Variants in FAM13A observed in about 807,000 individuals in gnomAD.
The protein encoded by FAM13A is family with sequence similarity 13 member A.
Under a neutral mutation model 129.6 loss-of-function variants are expected in FAM13A, and 76 were observed. The ratio of observed to expected loss-of-function variants is 0.59; its 90% CI spans 0.49 to 0.71. The LOEUF (loss-of-function observed/expected upper bound fraction) is 0.71. Ranked by LOEUF, FAM13A falls within the 30% of genes least tolerant of loss-of-function variation. The probability of loss-of-function intolerance (pLI) is 0.00; values close to 1 mark genes in which losing one functional copy is unlikely to be tolerated. For synonymous variants in FAM13A, 443 were observed against 449.9 expected, an observed-to-expected ratio of 0.98 and a Z score of 0.20; for missense variants, 1,108 against 1,249.3, an observed-to-expected ratio of 0.89 and a Z score of 1.70.
chr4:88,925,675 C>G (rs1462898542), intron 5 of FAM13A, among the ~76,000 whole-genome samples: 1 of 149,754 alleles, frequency 6.7e-6, no homozygotes, highest in African/African-American at 2.5e-5. Flanking sequence ...CACATGTACC[C>G]TAAAACTTAA....
At chr4:88,946,601 A>T (rs1398535911) in intron 4 of FAM13A, among the ~76,000 whole-genome samples, 1 of 152,090 alleles carries the variant, frequency 6.6e-6, no homozygotes, top group Non-Finnish European at 1.5e-5. Flanking sequence ...CTTGCTGCAT[A>T]TAGATAAATA....
intron 6 of FAM13A, among the ~76,000 whole-genome samples, chr4:88,892,938 G>A (rs1434195581): frequency 6.6e-6 from 1 of 151,950 alleles, no homozygotes; most frequent in East Asian, 1.9e-4. Flanking sequence ...TATTCAATAT[G>A]AAAAGAAAAC....
intron 6 of FAM13A, among the ~76,000 whole-genome samples, chr4:88,854,067 C>G (rs542542831): frequency 1.3e-5 from 2 of 152,326 alleles, no homozygotes; most frequent in South Asian, 2.1e-4. Context: ...AGCTTGCAGA[C>G]AGCCTATTGT....
intron 21 of FAM13A, among the ~76,000 whole-genome samples, chr4:88,733,186 C>T (rs1365761401): frequency 1.3e-5 from 2 of 152,194 alleles, no homozygotes; most frequent in Non-Finnish European, 2.9e-5. Flanking sequence ...CGCTGGCGGG[C>T]AAAGTACAAG....
intron 7 of FAM13A, among the ~76,000 whole-genome samples, chr4:88,825,882 C>T (rs1175977806): frequency 9.9e-5 from 15 of 152,052 alleles, no homozygotes. Flanking sequence ...TTTTTCCAGT[C>T]TCCATCATTT....
intron 1 of FAM13A, among the ~76,000 whole-genome samples, chr4:89,031,432 T>C (rs1336905868): frequency 6.6e-6 from 1 of 152,198 alleles, no homozygotes; most frequent in Non-Finnish European, 1.5e-5. Context: ...TTATTAGCTA[T>C]AACCTTGCAC....
At chr4:88,798,174 G>A (rs904266850) in intron 8 of FAM13A, among the ~76,000 whole-genome samples, 1 of 152,178 alleles carries the variant, frequency 6.6e-6, no homozygotes, top group African/African-American at 2.4e-5. Context: ...GCCTACTTAG[G>A]TGGACTTGCT....
chr4:88,902,442 G>A (rs1261771661), intron 6 of FAM13A, among the ~76,000 whole-genome samples: 1 of 151,940 alleles, frequency 6.6e-6, no homozygotes, highest in African/African-American at 2.4e-5. Context: ...GGGATGCAAG[G>A]TTGGTTCAAC....
chr4:89,002,516 C>G (rs182681383), intron 3 of FAM13A, among the ~76,000 whole-genome samples: 1 of 152,184 alleles, frequency 6.6e-6, no homozygotes, highest in East Asian at 1.9e-4. Flanking sequence ...CCCACCTCCC[C>G]CAAGCCCTGC....
chr4:89,053,232 G>A (rs1173510100), intron 1 of FAM13A, among the ~76,000 whole-genome samples: 1 of 152,078 alleles, frequency 6.6e-6, no homozygotes, highest in Non-Finnish European at 1.5e-5. Context: ...ATTTCCATCT[G>A]TGACCTCATC....
intron 4 of FAM13A, among the ~76,000 whole-genome samples, chr4:88,940,344 G>C (rs1044928662): frequency 7.3e-6 from 1 of 136,702 alleles, no homozygotes; most frequent in African/African-American, 2.5e-5. Context: ...GATGGTGGCA[G>C]AAAACTTAGG....
At position 88,727,894 on chromosome 4, in the gene FAM13A, C is replaced by G. The variant is rs1052753043; in HGVS notation, c.*639G>C. On this transcript the variant is annotated 3_prime_UTR_variant, in exon 24 of 24. Coordinates refer to ENST00000264344, the MANE Select transcript of FAM13A (RefSeq NM_014883.4). ...GTCAGCTGAGGAAGTCCTGAAGAAA[C>G]ATCCTGAAGATGATGACTGCACTGC... The G allele has an allele frequency of 1.0e-4, 16 of 152,538 alleles. No individual in the cohort carries two copies. The highest frequency in any genetic ancestry group is 3.9e-4 in the African/African-American group (16 of 41,460). The allele number at this position is 152,538 out of a possible 1,614,324, so 9.4% of individuals were successfully genotyped here.
At chr4:89,035,564 T>C (rs1769277141) in intron 1 of FAM13A, among the ~76,000 whole-genome samples, 1 of 152,074 alleles carries the variant, frequency 6.6e-6, no homozygotes, top group Non-Finnish European at 1.5e-5. Flanking sequence ...TAAGTTTACA[T>C]GGTGATATGG....
At chr4:88,763,602 C>A (rs1745205978) in intron 13 of FAM13A, among the ~76,000 whole-genome samples, 1 of 152,132 alleles carries the variant, frequency 6.6e-6, no homozygotes, top group Admixed American at 6.6e-5. Flanking sequence ...TTTTTCTATC[C>A]CCAGACTTTA....
chr4:88,977,437 G>A (rs1004789006), intron 4 of FAM13A, among the ~76,000 whole-genome samples: 3 of 152,246 alleles, frequency 2.0e-5, no homozygotes, highest in Admixed American at 1.3e-4. Flanking sequence ...CCCTGGTGAG[G>A]TAAAACACCT....
intron 5 of FAM13A, among the ~76,000 whole-genome samples, chr4:88,920,595 T>A (rs7697878): frequency 0.18 from 28,061 of 151,744 alleles, 2,754 homozygotes; most frequent in African/African-American, 0.2. Flanking sequence ...ACCACAAAGA[T>A]GGGGAAAAAA....
intron 19 of FAM13A, 48 bp from the exon 20 acceptor site, chr4:88,739,173 C>A: frequency 7.7e-7 from 1 of 1,298,536 alleles, no homozygotes; most frequent in East Asian, 2.3e-5. Flanking sequence ...CTGGGAGTCA[C>A]AACCAGCTGT....
chr4:88,769,212 A>G (rs1415158055), intron 11 of FAM13A, among the ~76,000 whole-genome samples: 3 of 152,216 alleles, frequency 2.0e-5, no homozygotes, highest in African/African-American at 7.2e-5. Context: ...AACAATCTCC[A>G]CAAAATAAAC....
chr4:88,735,988 T>C (rs1216186342), intron 21 of FAM13A, among the ~76,000 whole-genome samples: 2 of 152,186 alleles, frequency 1.3e-5, no homozygotes, highest in Admixed American at 1.3e-4. Context: ...CAAGAACACA[T>C]TTTTATCTAG....
Sources: allele counts gnomAD v4.1 joint callset (sites outside exome capture counted in the v4.1 genomes callset), GRCh38; gene constraint gnomAD v4.1.1; transcripts MANE v1.5; gene names NCBI Gene and HGNC (gene_info 2026-07-23, HGNC 2026-07-21).